SLC7A10: variants seen among roughly 807,000 people sequenced by gnomAD.
SLC7A10 encodes the protein asc-type amino acid transporter 1.
In SLC7A10, 30 loss-of-function variants were observed where a neutral mutation model predicts 52.7. The observed-to-expected ratio is 0.57, with a 90% confidence interval of 0.43 to 0.77. The LOEUF (loss-of-function observed/expected upper bound fraction) is 0.77. Among genes scored for constraint, SLC7A10 ranks in the 30% least tolerant of loss-of-function variants. The pLI, the probability that SLC7A10 is intolerant of heterozygous loss-of-function variation, is 0.00. For missense variants in SLC7A10, 581 were observed against 698.5 expected (o/e 0.83, Z 1.90); for synonymous variants, 318 against 314.9 (o/e 1.01, Z -0.10).
Position 33,210,700 on chromosome 19 carries a change from C to T in SLC7A10, c.1114-84G>A. On this transcript the variant is annotated intron_variant, in intron 8 of 10. Coordinates refer to ENST00000253188, the MANE Select transcript of SLC7A10 (RefSeq NM_019849.3). The surrounding 1 kb of genome is among the most constrained non-coding windows in gnomAD (Gnocchi z 5.6). Reference sequence around the variant, plus strand: ...GGATGAGCCCTGGCCCCACCCCCAACCCCCACCCTGGAATGGCTCACCCCT... The same window carrying T: ...GGATGAGCCCTGGCCCCACCCCCAATCCCCACCCTGGAATGGCTCACCCCT... 2 of 1,601,106 alleles carry T rather than the reference C, an allele frequency of 1.2e-6. No homozygotes were observed. Among genetic ancestry groups the T allele is most frequent in the Non-Finnish European group, 1.7e-6 (2 of 1,172,020 alleles).
intron 2 of SLC7A10, 47 bp from the exon 3 acceptor site, chr19:33,213,049 C>T (rs1253737328): frequency 1.3e-6 from 2 of 1,555,554 alleles, no homozygotes; most frequent in Middle Eastern, 2.1e-4. Flanking sequence ...CAGAGCCCTT[C>T]CCGGCCAACC....
In SLC7A10 at chr19:33,212,973, A is replaced by G; in HGVS notation, c.386T>C (p.Ile129Thr). 2 of 1,613,408 alleles carry G rather than the reference A, an allele frequency of 1.2e-6. No individual in the cohort carries two copies. The highest frequency in any genetic ancestry group is 1.7e-6 in the Non-Finnish European group (2 of 1,179,688). Residue 129 changes from isoleucine to threonine, a missense_variant, in exon 3 of 11, where the codon ATC (isoleucine) becomes ACC (threonine). By Grantham distance (89) the Ile-to-Thr change is moderately conservative. Coordinates refer to ENST00000253188, the MANE Select transcript of SLC7A10 (RefSeq NM_019849.3). ...GACAGCAAGGCTGGTGGGGTACATG[A>G]TGAGGACGGCGCTCCAGAGCAGCAG... ...GFLLLWSAVL[I>T]MYPTSLAVIS...
chr19:33,210,827 G>C lies in SLC7A10; in HGVS notation c.1088C>G (p.Thr363Ser), dbSNP rs1306652828. The C allele has an allele frequency of 2.5e-6, 4 of 1,613,484 alleles. No homozygotes were observed. Among genetic ancestry groups the C allele is most frequent in the Admixed American group, 1.7e-5 (1 of 60,008 alleles). The change falls in exon 8 of 11, where the codon ACC (threonine) becomes AGC (serine). Residue 363 changes from threonine to serine, a missense_variant. Physicochemically the swap from Thr to Ser is moderately conservative, Grantham distance 58. Transcript: ENST00000253188. This position sits in a 1 kb window ranked among gnomAD's most constrained non-coding sequence, Gnocchi z 5.6. ...ACAGACGAGGAGGGCGGGGATGGGGGTGCAGTGTCTGACGTGGATCATGGC... is the reference window on the plus strand; with the variant it reads ...ACAGACGAGGAGGGCGGGGATGGGGCTGCAGTGTCTGACGTGGATCATGGC... ...LLAMIHVRHC[T>S]PIPALLVCCG...
chr19:33,222,430 TAAAATAAAATAAAATAAATA>T (rs1470398217), intron 1 of SLC7A10, among the ~76,000 whole-genome samples: 7 of 86,100 alleles, frequency 8.1e-5, no homozygotes, highest in African/African-American at 3.4e-4. Flanking sequence ...AAATATAAAA[TAAAATAAAATAAAATAAATA>T]AAATAAAATA....
chr19:33,222,483 T>C (rs1974834570), intron 1 of SLC7A10, among the ~76,000 whole-genome samples: 1 of 149,270 alleles, frequency 6.7e-6, no homozygotes, highest in Admixed American at 6.7e-5. Flanking sequence ...TAAAATAAAA[T>C]AAAATAAAAT....
chr19:33,216,687 G>T (rs964813938), intron 1 of SLC7A10, among the ~76,000 whole-genome samples: 2 of 150,556 alleles, frequency 1.3e-5, no homozygotes, highest in Non-Finnish European at 2.9e-5. Flanking sequence ...CAATTCTCCT[G>T]CCTCAGCCTT....
chr19:33,209,615 A>G (rs1163882096), intron 9 of SLC7A10, 130 bp from the exon 10 acceptor site: 2 of 922,774 alleles, frequency 2.2e-6, no homozygotes, highest in Non-Finnish European at 3.2e-6. Context: ...TGCACCCACT[A>G]CACCCCCTCT....
chr19:33,212,351 G>A lies in SLC7A10; in HGVS notation c.729C>T (p.Phe243=), dbSNP rs146655377. The change falls in exon 5 of 11, where the codon TTC becomes TTT. Residue 243 remains phenylalanine (F), a synonymous_variant. Transcript: ENST00000253188. Reference sequence around the variant, plus strand: ...TGAGGAAGTTCCAGCCACTGAAGGCGAAGGAGCCCTGGAGGAAGGCCAGGG... The same window carrying A: ...TGAGGAAGTTCCAGCCACTGAAGGCAAAGGAGCCCTGGAGGAAGGCCAGGG... ...HLALAFLQGS[F]AFSGWNFLNY... 2.0e-5 allele frequency: 33 copies of A among 1,613,630 alleles called. No homozygotes were observed. The highest frequency in any genetic ancestry group is 5.5e-5 in the South Asian group (5 of 91,088).
At position 33,215,678 on chromosome 19, in the gene SLC7A10, C is replaced by CG; in HGVS notation, c.356+90dup. 2.2e-6 allele frequency: 3 copies of CG among 1,365,024 alleles called. 1 individual carries two copies. In the South Asian group the frequency reaches 4.0e-5, roughly 18 times the overall value. 84.6% of individuals were successfully genotyped at this position (1,365,024 alleles called of 1,614,324 possible). On this transcript the variant is annotated intron_variant, in intron 2 of 10. Coordinates refer to ENST00000253188, the MANE Select transcript of SLC7A10 (RefSeq NM_019849.3). Reference sequence around the variant, plus strand: ...CACCCCCACGACCTCCCTAGGAAGCCGGAAGCAGGAGTGGAAACTGATGCC... The same window carrying CG: ...CACCCCCACGACCTCCCTAGGAAGCCGGGAAGCAGGAGTGGAAACTGATGCC...
At chr19:33,209,100 G>C in intron 10 of SLC7A10, 79 bp from the exon 11 acceptor site, 12 of 1,600,118 alleles carry the variant, frequency 7.5e-6, no homozygotes, top group Middle Eastern at 2.2e-4. Flanking sequence ...CTCCCCTTGG[G>C]CAGGGGTCTT....
rs1237039880 is a variant in SLC7A10 at position 33,213,021 on chromosome 19, G to C, written c.357-19C>G. The C allele has an allele frequency of 1.2e-5, 19 of 1,579,700 alleles. No homozygotes were observed. Among genetic ancestry groups the C allele is most frequent in the Non-Finnish European group, 1.5e-5 (18 of 1,163,206 alleles). On this transcript the variant is annotated intron_variant, in intron 2 of 10. Transcript: ENST00000253188. Reference sequence around the variant, plus strand: ...CAGAAAGCTGGAAGGAGCAGGGGCGGGAGTGGCTCAAGCTGCCCAGAGCCC... The same window carrying C: ...CAGAAAGCTGGAAGGAGCAGGGGCGCGAGTGGCTCAAGCTGCCCAGAGCCC...
chr19:33,217,002 G>A (rs1306352575), intron 1 of SLC7A10, among the ~76,000 whole-genome samples: 1 of 151,662 alleles, frequency 6.6e-6, no homozygotes, highest in African/African-American at 2.4e-5. Context: ...AGTCTCCCTA[G>A]TAGCTGGGAC....
chr19:33,222,902 T>C (rs1243100435), intron 1 of SLC7A10, among the ~76,000 whole-genome samples: 3 of 152,208 alleles, frequency 2.0e-5, no homozygotes, highest in African/African-American at 7.2e-5. Flanking sequence ...CAGTCTGAGC[T>C]GGAGCAGAGG....
rs754801145 is a variant in SLC7A10 at position 33,210,907 on chromosome 19, G to A, written c.1017-9C>T. On this transcript the variant is annotated splice_polypyrimidine_tract_variant and intron_variant, in intron 7 of 10. Transcript: ENST00000253188. This position sits in a 1 kb window ranked among gnomAD's most constrained non-coding sequence, Gnocchi z 5.6. ...CTCCAGAGAAGCACAGCCTAGCGTT[G>A]GGGACAGATATGGGCACTGGCCACA... 2.8e-5 allele frequency: 45 copies of A among 1,612,608 alleles called. No homozygotes were observed. The South Asian group carries it at 4.6e-4, about 17-fold the overall frequency.
At position 33,208,917 on chromosome 19, in the gene SLC7A10, T is replaced by G. The variant is rs1568386209; in HGVS notation, c.1546A>C (p.Thr516Pro). The G allele has an allele frequency of 1.2e-6, 1 of 803,938 alleles. No individual in the cohort carries two copies. The highest frequency in any genetic ancestry group is 1.3e-5 in the South Asian group (1 of 76,064). The allele number at this position is 803,938 out of a possible 1,614,324, so 49.8% of individuals were successfully genotyped here. The change falls in exon 11 of 11, where the codon ACA (threonine) becomes CCA (proline). Residue 516 changes from threonine to proline, a missense_variant. Coordinates refer to ENST00000253188, the MANE Select transcript of SLC7A10 (RefSeq NM_019849.3). This position sits in a 1 kb window ranked among gnomAD's most constrained non-coding sequence, Gnocchi z 4.7. ...CATTGTGGCTTCGAGGGCTTGTCTG[T>G]GGCAGGCAGCAGGGAGGGTGGGCAG... ...GPCPPSLLPA[T>P]DKPSKPQ
At chr19:33,213,737 CT>C (rs1313675611) in intron 2 of SLC7A10, among the ~76,000 whole-genome samples, 2 of 152,200 alleles carry the variant, frequency 1.3e-5, no homozygotes, top group African/African-American at 4.8e-5. Flanking sequence ...TGTGTTCCCC[CT>C]GAGGGAGACC....
chr19:33,209,920 G>C (rs1181279598), intron 9 of SLC7A10, among the ~76,000 whole-genome samples: 1 of 151,026 alleles, frequency 6.6e-6, no homozygotes, highest in Non-Finnish European at 1.5e-5. Context: ...ACCTTGAACA[G>C]TTCCTGAGTC....
intron 1 of SLC7A10, among the ~76,000 whole-genome samples, chr19:33,224,844 G>C (rs1974888229): frequency 6.6e-6 from 1 of 152,200 alleles, no homozygotes; most frequent in African/African-American, 2.4e-5. Context: ...GGACTTTGGA[G>C]TCCAGGGCCT....
chr19:33,216,832 G>A (rs546890760), intron 1 of SLC7A10, among the ~76,000 whole-genome samples: 85 of 152,160 alleles, frequency 5.6e-4, no homozygotes, highest in East Asian at 2.5e-3. Context: ...CACCCGCCTC[G>A]GCCTCCCAAA....
Sources: gnomAD v4.1 joint callset for allele counts (sites outside exome capture counted in the v4.1 genomes callset) on GRCh38, gnomAD v4.1.1 for gene constraint, Gnocchi (gnomAD v3.1) non-coding constraint, MANE v1.5 for transcripts, NCBI Gene and HGNC (gene_info 2026-07-23, HGNC 2026-07-21) for gene names.